The following TBL1XR1 variants were observed in gnomAD, a reference collection of about 807,000 sequenced individuals.
The protein encoded by TBL1XR1 is TBL1X/Y related 1.
A neutral mutation model predicts 66.9 loss-of-function variants in TBL1XR1; 5 were observed. That is an observed-to-expected ratio of 0.07 (90% CI 0.04 to 0.16). TBL1XR1 has a LOEUF of 0.16. Among genes scored for constraint, TBL1XR1 ranks in the 10% least tolerant of loss-of-function variants. The pLI is 1.00. For missense variants in TBL1XR1, 238 were observed against 623.2 expected, an observed-to-expected ratio of 0.38 and a Z score of 6.58; for synonymous variants, 210 against 206.0, an observed-to-expected ratio of 1.02 and a Z score of -0.17.
At chr3:177,168,422 C>T (rs181914073) in intron 1 of TBL1XR1, among the ~76,000 whole-genome samples, 13 of 152,178 alleles carry the variant, frequency 8.5e-5, no homozygotes, top group African/African-American at 3.1e-4. Context: ...GCTGGGATTA[C>T]AGGCACCCGA....
chr3:177,037,772 T>TCATCCATCCATC (rs71170848), intron 12 of TBL1XR1: 32,773 of 183,380 alleles, frequency 0.18, 3,461 homozygotes, highest in East Asian at 0.35. Context: ...AGTAAATCTC[T>TCATCCATCCATC]CATCCATCCA....
intron 7 of TBL1XR1, 25 bp downstream of exon 7, chr3:177,049,972 C>T: frequency 6.2e-7 from 1 of 1,610,392 alleles, no homozygotes. Context: ...GTAATTATAT[C>T]CATCATGGAT....
chr3:177,158,502 C>A (rs1343982500), intron 1 of TBL1XR1, among the ~76,000 whole-genome samples: 1 of 152,140 alleles, frequency 6.6e-6, no homozygotes, highest in Non-Finnish European at 1.5e-5. Flanking sequence ...GCTGGGATTA[C>A]CGGCGTGAAC....
intron 1 of TBL1XR1, among the ~76,000 whole-genome samples, chr3:177,139,184 C>T (rs1560218600): frequency 6.6e-6 from 1 of 152,046 alleles, no homozygotes; most frequent in Non-Finnish European, 1.5e-5. Flanking sequence ...AAACAAAATA[C>T]GCCACATTTA....
At position 177,068,756 on chromosome 3, in the gene TBL1XR1, G is replaced by A. The variant is rs554519922; in HGVS notation, c.-45-3734C>T. Among the ~76,000 whole-genome samples the A allele has an allele frequency of 2.2e-4, 33 of 152,010 alleles. 1 individual carries two copies. The South Asian group carries it at 3.7e-3, about 17-fold the overall frequency. On this transcript the variant is annotated intron_variant, in intron 2 of 15. Transcript: ENST00000457928. ...AAGCCAGGGCCCAACTGTGATCCTC[G>A]ATTACATAATTTTAAATCTAGATGA...
chr3:177,171,232 C>T (rs1306459857), intron 1 of TBL1XR1, among the ~76,000 whole-genome samples: 1 of 151,724 alleles, frequency 6.6e-6, no homozygotes, highest in South Asian at 2.1e-4. Flanking sequence ...CCCAGCTACT[C>T]GGGAGACTGA....
chr3:177,140,011 A>G (rs1335267585), intron 1 of TBL1XR1, among the ~76,000 whole-genome samples: 1 of 152,134 alleles, frequency 6.6e-6, no homozygotes, highest in African/African-American at 2.4e-5. Context: ...CAAGAAAAAT[A>G]CCTTGAAACA....
chr3:177,161,484 C>T (rs1262723692), intron 1 of TBL1XR1, among the ~76,000 whole-genome samples: 1 of 152,084 alleles, frequency 6.6e-6, no homozygotes, highest in East Asian at 1.9e-4. Context: ...TCAAACCCTA[C>T]ATAAAAGGCA....
intron 1 of TBL1XR1, among the ~76,000 whole-genome samples, chr3:177,180,887 C>T (rs138842675): frequency 1.4e-4 from 21 of 152,124 alleles, no homozygotes; most frequent in South Asian, 6.2e-4. Flanking sequence ...CAGGCCACCA[C>T]GCCCTGCTAG....
At chr3:177,061,963 G>T (rs1718571215) in intron 3 of TBL1XR1, among the ~76,000 whole-genome samples, 1 of 152,132 alleles carries the variant, frequency 6.6e-6, no homozygotes, top group Non-Finnish European at 1.5e-5. Context: ...GCTACTATGG[G>T]CATTTGTTAT....
chr3:177,052,851 T>A (rs978294619), intron 4 of TBL1XR1, among the ~76,000 whole-genome samples: 1 of 152,022 alleles, frequency 6.6e-6, no homozygotes, highest in Admixed American at 6.6e-5. Context: ...TGCCTGTAAT[T>A]CCAGCACTTT....
At chr3:177,073,530 C>T (rs1317222543) in intron 2 of TBL1XR1, among the ~76,000 whole-genome samples, 2 of 152,172 alleles carry the variant, frequency 1.3e-5, no homozygotes, top group Non-Finnish European at 2.9e-5. Context: ...TCTGAGACTA[C>T]ACTTCTATAA....
chr3:177,200,590 G>A (rs555213454), upstream of TBL1XR1, among the ~76,000 whole-genome samples: 37 of 152,272 alleles, frequency 2.4e-4, no homozygotes, highest in African/African-American at 8.7e-4. Flanking sequence ...AGGAACTATT[G>A]TTACTAATAT....
At position 177,022,965 on chromosome 3, in the gene TBL1XR1, A is replaced by C. The variant is rs1438359185; in HGVS notation, c.*2533T>G. ...CAGGATAATAAAGCTCTGTATTTAT[A>C]ATCTTTTATATGTCCTATTGTGGCT... On this transcript the variant is annotated 3_prime_UTR_variant, in exon 16 of 16. Transcript: ENST00000457928. 6.6e-6 allele frequency: 1 copy of C among 152,332 alleles called. No homozygotes were observed. The highest frequency in any genetic ancestry group is 1.9e-4 in the East Asian group (1 of 5,188). The allele number at this position is 152,332 out of a possible 1,614,324, so 9.4% of individuals were successfully genotyped here.
chr3:177,137,627 C>T (rs1729151495), intron 1 of TBL1XR1, among the ~76,000 whole-genome samples: 1 of 152,120 alleles, frequency 6.6e-6, no homozygotes, highest in Non-Finnish European at 1.5e-5. Flanking sequence ...ATCTACTGCT[C>T]CTCCTTCCCA....
intron 6 of TBL1XR1, among the ~76,000 whole-genome samples, 152 bp from the exon 7 acceptor site, chr3:177,050,290 C>A (rs947784327): frequency 3.3e-5 from 5 of 152,144 alleles, no homozygotes; most frequent in African/African-American, 9.7e-5. Context: ...CACGTTGGGA[C>A]CCCCAAGCAT....
At chr3:177,049,210 A>G (rs1367775527) in intron 7 of TBL1XR1, among the ~76,000 whole-genome samples, 1 of 152,264 alleles carries the variant, frequency 6.6e-6, no homozygotes, top group Non-Finnish European at 1.5e-5. Flanking sequence ...GATCCTTTAG[A>G]AAGTCCACAA....
chr3:177,115,595 T>C (rs534681690), intron 1 of TBL1XR1, among the ~76,000 whole-genome samples: 1 of 151,998 alleles, frequency 6.6e-6, no homozygotes, highest in African/African-American at 2.4e-5. Flanking sequence ...CCCCCTTCAA[T>C]CACACTATCC....
At chr3:177,069,793 A>AAAGGAAGAAAAGG (rs1719681568) in intron 2 of TBL1XR1, among the ~76,000 whole-genome samples, 1 of 92,342 alleles carries the variant, frequency 1.1e-5, no homozygotes, top group Non-Finnish European at 2.1e-5. Context: ...AAAAGGAAGG[A>AAAGGAAGAAAAGG]AAGGAAGGAA....
Sources: allele counts gnomAD v4.1 joint callset (sites outside exome capture counted in the v4.1 genomes callset), GRCh38; gene constraint gnomAD v4.1.1; transcripts MANE v1.5; gene names NCBI Gene and HGNC (gene_info 2026-07-23, HGNC 2026-07-21).